The following EVC2 variants were observed in gnomAD, a reference collection of about 807,000 sequenced individuals.
EVC2 encodes the protein EvC ciliary complex subunit 2, also known as limbin.
EVC2 carries 148 observed loss-of-function variants against 149.3 expected under a neutral mutation model. The ratio of observed to expected loss-of-function variants is 0.99; its 90% CI spans 0.87 to 1.14. EVC2 has a LOEUF of 1.14. EVC2 is among the 50% of genes most tolerant of loss of function. The pLI is 0.00. For synonymous variants in EVC2, 776 were observed against 649.9 expected (o/e 1.19, Z -2.95); for missense variants, 1,854 against 1,627.3 (o/e 1.14, Z -2.40).
intron 4 of EVC2, 126 bp from the exon 5 acceptor site, chr4:5,689,469 G>C: frequency 1.0e-6 from 1 of 960,050 alleles, no homozygotes; most frequent in Admixed American, 2.0e-5. Context: ...GTCTCGCAGA[G>C]GGCCTGGGAA....
chr4:5,543,212 C>T (rs1360125635), exon 22 of EVC2: 2 of 1,289,762 alleles, frequency 1.6e-6, no homozygotes, highest in Admixed American at 4.6e-5. Flanking sequence ...GGTTCCCTGA[C>T]CTGGAACAGG....
chr4:5,640,397 G>A lies in EVC2; in HGVS notation c.1470+117C>T, dbSNP rs1717232075. The A allele has an allele frequency of 4.2e-6, 5 of 1,192,284 alleles. No individual in the cohort carries two copies. The highest frequency in any genetic ancestry group is 6.3e-6 in the Non-Finnish European group (5 of 799,270). The allele number at this position is 1,192,284 out of a possible 1,614,324, so 73.9% of individuals were successfully genotyped here. On this transcript the variant is annotated intron_variant, in intron 10 of 21. Transcript: ENST00000344408. The surrounding 1 kb of genome is among the most constrained non-coding windows in gnomAD (Gnocchi z 4.6). Reference sequence around the variant, plus strand: ...GAATAGATGAATGAGTGGGTGGTTGGATGGATGATGGGTAGACGGATGGAG... The same window carrying A: ...GAATAGATGAATGAGTGGGTGGTTGAATGGATGATGGGTAGACGGATGGAG...
chr4:5,593,920 C>A (rs1713101292), intron 16 of EVC2, among the ~76,000 whole-genome samples: 1 of 152,240 alleles, frequency 6.6e-6, no homozygotes, highest in Non-Finnish European at 1.5e-5. Flanking sequence ...GAGATTATAT[C>A]CCCCACCTGG....
chr4:5,688,314 G>A (rs904042984), intron 5 of EVC2, among the ~76,000 whole-genome samples: 21 of 152,242 alleles, frequency 1.4e-4, no homozygotes, highest in African/African-American at 5.1e-4. Flanking sequence ...GTCGGTAAGA[G>A]TTCCAGGCGT....
chr4:5,591,610 C>T (rs1712806365), intron 16 of EVC2, among the ~76,000 whole-genome samples: 1 of 151,996 alleles, frequency 6.6e-6, no homozygotes, highest in Non-Finnish European at 1.5e-5. Context: ...AGTGTAAAGC[C>T]TTTTGTATAT....
At chr4:5,564,688 G>A (rs924487856) in intron 21 of EVC2, among the ~76,000 whole-genome samples, 1 of 152,196 alleles carries the variant, frequency 6.6e-6, no homozygotes, top group African/African-American at 2.4e-5. Context: ...ATTGGACAAT[G>A]GTTTGCAGCA....
chr4:5,700,716 C>A (rs1450030280), intron 1 of EVC2, among the ~76,000 whole-genome samples: 1 of 152,206 alleles, frequency 6.6e-6, no homozygotes, highest in South Asian at 2.1e-4. Context: ...CTCTGGGCAA[C>A]CGCTCCCATA....
chr4:5,697,705 T>C, intron 1 of EVC2, 58 bp from the exon 2 acceptor site: 5 of 1,478,002 alleles, frequency 3.4e-6, no homozygotes, highest in South Asian at 2.3e-5. Flanking sequence ...GAAGTGATAA[T>C]AAATAATCTT....
chr4:5,642,965 G>A (rs1345994266), intron 9 of EVC2, among the ~76,000 whole-genome samples: 3 of 152,118 alleles, frequency 2.0e-5, no homozygotes, highest in East Asian at 1.9e-4. Context: ...ACACCTCACT[G>A]AGCATCTTTA....
At chr4:5,707,263 T>A (rs1262722304) in intron 1 of EVC2, among the ~76,000 whole-genome samples, 1 of 152,124 alleles carries the variant, frequency 6.6e-6, no homozygotes. Flanking sequence ...GACATGGCGT[T>A]TTTCCAGTGA....
At chr4:5,642,289 C>A (rs780471821) in intron 9 of EVC2, among the ~76,000 whole-genome samples, 3 of 152,126 alleles carry the variant, frequency 2.0e-5, no homozygotes, top group Non-Finnish European at 4.4e-5. Flanking sequence ...GACATTTTGT[C>A]ATATTTTCTT....
chr4:5,568,791 C>T, intron 19 of EVC2, 151 bp from the exon 20 acceptor site: 1 of 1,068,180 alleles, frequency 9.4e-7, no homozygotes, highest in Non-Finnish European at 1.4e-6. Flanking sequence ...ACTTTCAGAG[C>T]TGTCAAAAAA....
chr4:5,560,947 C>A (rs535589517), downstream of EVC2, among the ~76,000 whole-genome samples: 72 of 152,198 alleles, frequency 4.7e-4, 1 homozygote, highest in Middle Eastern at 3.4e-3. This position sits in a 1 kb window ranked among gnomAD's most constrained non-coding sequence, Gnocchi z 4.1. Flanking sequence ...AGTGAGTTTA[C>A]AAAAGGTAAA....
At chr4:5,699,876 C>T (rs1721719431) in intron 1 of EVC2, among the ~76,000 whole-genome samples, 1 of 152,052 alleles carries the variant, frequency 6.6e-6, no homozygotes, top group South Asian at 2.1e-4. Context: ...TATAGTGGCT[C>T]ACGCCTGTAA....
chr4:5,571,317 C>CAAAAAA (rs1208168465), intron 19 of EVC2, among the ~76,000 whole-genome samples: 1 of 78,494 alleles, frequency 1.3e-5, no homozygotes, highest in Non-Finnish European at 2.1e-5. Flanking sequence ...GACTCCATCT[C>CAAAAAA]AAAAAAAAAA....
rs1259802118 is a variant in EVC2, at chr4:5,576,935, C to T, written c.3058-481G>A. 6.6e-6 allele frequency among the ~76,000 whole-genome samples: 1 copy of T among 152,204 alleles called. No individual in the cohort carries two copies. The highest frequency in any genetic ancestry group is 1.5e-5 in the Non-Finnish European group (1 of 68,044). ...TCTCCTTCTCCCTGCCTGCAAAGTGCCTGGTGGCTGGCACCTGTCACTGCA... is the reference window on the plus strand; with the variant it reads ...TCTCCTTCTCCCTGCCTGCAAAGTGTCTGGTGGCTGGCACCTGTCACTGCA... On this transcript the variant is annotated intron_variant, in intron 17 of 21. Coordinates refer to ENST00000344408, the MANE Select transcript of EVC2 (RefSeq NM_147127.5). The surrounding 1 kb of genome is among the most constrained non-coding windows in gnomAD (Gnocchi z 4.5).
rs752844846 is a variant in EVC2, at chr4:5,657,805, G to T, written c.1145+5302C>A. Among the ~76,000 whole-genome samples, 11 of 151,930 alleles carry T rather than the reference G, an allele frequency of 7.2e-5. No individual in the cohort carries two copies. Among genetic ancestry groups the T allele is most frequent in the Admixed American group, 2.6e-4 (4 of 15,264 alleles). On this transcript the variant is annotated intron_variant, in intron 9 of 21. Transcript: ENST00000344408. The surrounding 1 kb of genome is among the most constrained non-coding windows in gnomAD (Gnocchi z 4.7). ...GTTGTGAAGAAAATCAGAATTTCAG[G>T]ATAAAGAATGGAGGCAGTGCTGCTG...
chr4:5,693,974 G>A (rs150001870), intron 3 of EVC2, among the ~76,000 whole-genome samples: 2 of 152,308 alleles, frequency 1.3e-5, no homozygotes, highest in African/African-American at 2.4e-5. Flanking sequence ...TAAACCCAGT[G>A]CCCGACCCAT....
intron 1 of EVC2, among the ~76,000 whole-genome samples, chr4:5,698,982 T>C (rs1227356022): frequency 6.6e-6 from 1 of 152,128 alleles, no homozygotes; most frequent in Non-Finnish European, 1.5e-5. Flanking sequence ...GGGACAACTG[T>C]TGTGGCCACT....
Sources: gnomAD v4.1 joint callset for allele counts (sites outside exome capture counted in the v4.1 genomes callset) on GRCh38, gnomAD v4.1.1 for gene constraint, Gnocchi (gnomAD v3.1) non-coding constraint, MANE v1.5 for transcripts, NCBI Gene and HGNC (gene_info 2026-07-23, HGNC 2026-07-21) for gene names.